The following PPARG variants were observed in gnomAD, a reference collection of about 807,000 sequenced individuals.
PPARG encodes peroxisome proliferator activated receptor gamma.
In PPARG, 17 loss-of-function variants were observed where a neutral mutation model predicts 39.2. The observed-to-expected ratio is 0.43, with a 90% CI of 0.30 to 0.65. The LOEUF (loss-of-function observed/expected upper bound fraction) is 0.65. Ranked by LOEUF, PPARG falls within the 30% of genes least tolerant of loss-of-function variation. The pLI is 0.13. For synonymous variants in PPARG, 223 were observed against 215.7 expected (o/e 1.03, Z -0.30); for missense variants, 406 against 585.9 (o/e 0.69, Z 3.17).
At position 12,331,609 on chromosome 3, in the gene PPARG, C is replaced by T. The variant is rs76868265; in HGVS notation, c.-9+19156C>T. 3.5e-3 allele frequency among the ~76,000 whole-genome samples: 539 copies of T among 152,132 alleles called. 4 individuals carry two copies. The highest frequency in any genetic ancestry group is 0.027 in the Middle Eastern group (8 of 294). On this transcript the variant is annotated intron_variant, in intron 2 of 7. Transcript: ENST00000651735. ...GGAGAGGCAAGGATGGCAGACAGGA[C>T]GCCAGGTGGGAAGCTATGGAAAGGT... is the stretch of plus-strand genomic sequence containing the variant.
intron 1 of PPARG, chr3:12,305,890 T>G (rs998055365): frequency 6.6e-6 from 1 of 152,250 alleles, no homozygotes; most frequent in Non-Finnish European, 1.5e-5. Context: ...CAAAATGTCA[T>G]TTAACCATCC....
chr3:12,417,987 G>A (rs1476131692), intron 7 of PPARG, among the ~76,000 whole-genome samples: 1 of 130,340 alleles, frequency 7.7e-6, no homozygotes, highest in East Asian at 2.3e-4. Flanking sequence ...ATAGCTCACT[G>A]CAGCTTCTAA....
At chr3:12,381,520 T>A in intron 4 of PPARG, 29 bp downstream of exon 4, 1 of 1,604,172 alleles carries the variant, frequency 6.2e-7, no homozygotes, top group Non-Finnish European at 8.5e-7. Context: ...TTCAAAGAAA[T>A]TGTTGAAACT....
chr3:12,379,827 A>T lies in PPARG; in HGVS notation c.116A>T (p.Asp39Val). 1 of 1,613,940 alleles carries T rather than the reference A, an allele frequency of 6.2e-7. No individual in the cohort carries two copies. Among genetic ancestry groups the T allele is most frequent in the Non-Finnish European group, 8.5e-7 (1 of 1,179,870 alleles). ...GATATCAAGCCCTTCACTACTGTTGACTTCTCCAGCATTTCTACTCCACAT... is the reference window on the plus strand; with the variant it reads ...GATATCAAGCCCTTCACTACTGTTGTCTTCTCCAGCATTTCTACTCCACAT... ...SFDIKPFTTV[D>V]FSSISTPHYE... Residue 39 changes from aspartate (D) to valine (V), a missense_variant, in exon 3 of 8, where the codon GAC becomes GTC. Around this residue, in one of 2 missense-constraint regions of PPARG, gnomAD observed 131 missense variants for 127.9 expected, o/e 1.02. Transcript: ENST00000651735.
At chr3:12,384,662 CT>C (rs1460102804) in intron 4 of PPARG, among the ~76,000 whole-genome samples, 1 of 152,076 alleles carries the variant, frequency 6.6e-6, no homozygotes, top group Non-Finnish European at 1.5e-5. Flanking sequence ...TGGTCTGGGG[CT>C]TGGACCCTTT....
chr3:12,429,895 T>G (rs901936102), intron 7 of PPARG, among the ~76,000 whole-genome samples: 2 of 152,218 alleles, frequency 1.3e-5, no homozygotes, highest in South Asian at 4.1e-4. Context: ...CATTTGTTCC[T>G]TCTCAGAATC....
intron 2 of PPARG, among the ~76,000 whole-genome samples, chr3:12,341,169 C>T (rs997423971): frequency 1.5e-5 from 2 of 134,348 alleles, no homozygotes; most frequent in South Asian, 2.3e-4. Flanking sequence ...GGCAACAGAG[C>T]GAGACTCCGT....
intron 2 of PPARG, among the ~76,000 whole-genome samples, chr3:12,330,391 AT>A (rs2047823889): frequency 6.7e-6 from 1 of 148,158 alleles, no homozygotes; most frequent in Non-Finnish European, 1.5e-5. Flanking sequence ...ATGGCTGCTG[AT>A]GTTAAGCATC....
At chr3:12,305,963 ATAAT>A (rs1211796024) in intron 1 of PPARG, 1 of 152,242 alleles carries the variant, frequency 6.6e-6, no homozygotes, top group Non-Finnish European at 1.5e-5. Flanking sequence ...CTTGATGGTA[ATAAT>A]TAATATTTGT....
At chr3:12,335,108 G>A (rs1167821781) in intron 2 of PPARG, among the ~76,000 whole-genome samples, 2 of 152,164 alleles carry the variant, frequency 1.3e-5, no homozygotes, top group South Asian at 2.1e-4. Context: ...GAAATGGTAC[G>A]TTGTTAGGAA....
At chr3:12,396,020 C>A (rs1300271581) in intron 5 of PPARG, among the ~76,000 whole-genome samples, 1 of 152,158 alleles carries the variant, frequency 6.6e-6, no homozygotes, top group Non-Finnish European at 1.5e-5. Context: ...TGGGCTCTTG[C>A]ATGCATTTTT....
intron 1 of PPARG, 126 bp from the exon 2 acceptor site, chr3:12,312,254 A>G (rs533344146): frequency 6.6e-6 from 1 of 152,384 alleles, no homozygotes; most frequent in African/African-American, 2.4e-5. Context: ...AACATTCAGA[A>G]TGAAATCCAA....
rs1433856401 is a variant in PPARG, at chr3:12,405,878, A to G, written c.530-4A>G. 10 of 1,612,768 alleles carry G rather than the reference A, an allele frequency of 6.2e-6. No individual in the cohort carries two copies. The highest frequency in any genetic ancestry group is 1.7e-5 in the Admixed American group (1 of 60,002). Reference sequence around the variant, plus strand: ...TTCATCCTGTCATTCCTCTTCCTCTATAGCCATCAGGTTTGGGCGGATGCC... The same window carrying G: ...TTCATCCTGTCATTCCTCTTCCTCTGTAGCCATCAGGTTTGGGCGGATGCC... On this transcript the variant is annotated splice_polypyrimidine_tract_variant and splice_region_variant and intron_variant, in intron 5 of 7. Transcript: ENST00000651735.
chr3:12,376,890 A>C (rs538329158), intron 2 of PPARG, among the ~76,000 whole-genome samples: 10 of 152,180 alleles, frequency 6.6e-5, no homozygotes, highest in African/African-American at 2.4e-4. Context: ...CTATGATTTG[A>C]TGAATCCTGG....
upstream of PPARG, among the ~76,000 whole-genome samples, chr3:12,288,668 G>A (rs957901377): frequency 6.6e-6 from 1 of 152,130 alleles, no homozygotes; most frequent in Non-Finnish European, 1.5e-5. Flanking sequence ...ACCGTTCAGC[G>A]AGGGGCGCGC....
chr3:12,393,190 A>ATTTTTTTTTTTTTTTTTT (rs143287325), intron 5 of PPARG, among the ~76,000 whole-genome samples: 3 of 111,540 alleles, frequency 2.7e-5, no homozygotes, highest in Non-Finnish European at 3.6e-5. Context: ...GATTCATTTA[A>ATTTTTTTTTTTTTTTTTT]TTTTTTTTTT....
intron 7 of PPARG, among the ~76,000 whole-genome samples, chr3:12,433,653 C>T (rs149061032): frequency 0.011 from 1,619 of 152,184 alleles, 18 homozygotes; most frequent in Admixed American, 0.016. Flanking sequence ...CTCAGCTGAC[C>T]ACACAGATTA....
rs2051788703 is a variant in PPARG, at chr3:12,434,333, C to T, written c.*188C>T. 1.3e-6 allele frequency: 1 copy of T among 776,810 alleles called. No individual in the cohort carries two copies. The highest frequency in any genetic ancestry group is 2.6e-5 in the Admixed American group (1 of 38,890). 48.1% of individuals were successfully genotyped at this position (776,810 alleles called of 1,614,324 possible). On this transcript the variant is annotated 3_prime_UTR_variant, in exon 8 of 8. Coordinates refer to ENST00000651735, the MANE Select transcript of PPARG (RefSeq NM_138711.6). This position sits in a 1 kb window ranked among gnomAD's most constrained non-coding sequence, Gnocchi z 4.2. ...ATTTACTTTTAATATTAAAAATTAC[C>T]ATATTATGAAATTGCTGATAGTATT...
intron 2 of PPARG, chr3:12,372,173 C>T (rs756051588): frequency 1.3e-5 from 9 of 717,406 alleles, no homozygotes; most frequent in Non-Finnish European, 2.1e-5. Flanking sequence ...TTGAGAGTTA[C>T]TCTTCATAGT....
Sources: gnomAD v4.1 joint callset for allele counts (sites outside exome capture counted in the v4.1 genomes callset) on GRCh38, gnomAD v4.1.1 for gene constraint, gnomAD v4.1.1 regional missense constraint, Gnocchi (gnomAD v3.1) non-coding constraint, MANE v1.5 for transcripts, NCBI Gene and HGNC (gene_info 2026-07-23, HGNC 2026-07-21) for gene names.